Variants in SYT1 observed in about 807,000 individuals in gnomAD.
SYT1 encodes the protein synaptotagmin 1.
SYT1 carries 8 observed loss-of-function variants against 44.8 expected under a neutral mutation model. The observed-to-expected ratio is 0.18, with a 90% CI of 0.10 to 0.32. The LOEUF is 0.32. Among genes scored for constraint, SYT1 ranks in the 10% least tolerant of loss-of-function variants. The pLI is 1.00. For missense variants in SYT1, 286 were observed against 509.3 expected, an observed-to-expected ratio of 0.56 and a Z score of 4.22; for synonymous variants, 154 against 188.8, an observed-to-expected ratio of 0.82 and a Z score of 1.51.
chr12:79,228,035 A>AT (rs34646036), intron 4 of SYT1, among the ~76,000 whole-genome samples: 93,989 of 140,418 alleles, frequency 0.67, 31,410 homozygotes, highest in African/African-American at 0.75. Flanking sequence ...CCTCTCCTCC[A>AT]TTTTTTTTTT....
At chr12:79,007,471 T>A (rs569698991) in intron 2 of SYT1, among the ~76,000 whole-genome samples, 1 of 152,262 alleles carries the variant, frequency 6.6e-6, no homozygotes, top group South Asian at 2.1e-4. Context: ...ATTAGGAGAT[T>A]ATTGCCTGGA....
At chr12:79,273,620 C>T (rs981528204) in intron 4 of SYT1, among the ~76,000 whole-genome samples, 10 of 152,156 alleles carry the variant, frequency 6.6e-5, no homozygotes, top group African/African-American at 2.4e-4. Context: ...CTACCCAGCA[C>T]TGAAGCTGAT....
At chr12:79,389,648 A>G (rs1422310024) in intron 9 of SYT1, among the ~76,000 whole-genome samples, 39 of 152,182 alleles carry the variant, frequency 2.6e-4, no homozygotes, top group Admixed American at 2.0e-3. Context: ...TTTTTATACC[A>G]CCACCTACCA....
chr12:79,270,922 T>C lies in SYT1; in HGVS notation c.167-14865T>C, dbSNP rs75222277. Among the ~76,000 whole-genome samples, 1,220 of 152,334 alleles carry C rather than the reference T, an allele frequency of 8.0e-3. 12 individuals are homozygous for C. The highest frequency in any genetic ancestry group is 0.026 in the African/African-American group (1,092 of 41,574). ...TTTTAGGGACTGCAAAAAAGATCCA[T>C]TGGGAAATAAATGCGTAGAACCGCA... On this transcript the variant is annotated intron_variant, in intron 4 of 10. Coordinates refer to ENST00000261205, the MANE Select transcript of SYT1 (RefSeq NM_005639.3).
At chr12:79,041,426 G>T (rs1409984500) in intron 2 of SYT1, among the ~76,000 whole-genome samples, 1 of 151,402 alleles carries the variant, frequency 6.6e-6, no homozygotes, top group Admixed American at 6.6e-5. Context: ...CTCTCTGTTT[G>T]TCTGTTGTTG....
At chr12:79,431,882 T>G (rs1869812475) in intron 9 of SYT1, among the ~76,000 whole-genome samples, 1 of 152,130 alleles carries the variant, frequency 6.6e-6, no homozygotes. Flanking sequence ...TATTTTTATT[T>G]TCTCCTTCTA....
chr12:79,264,706 T>C (rs1351127221), intron 4 of SYT1, among the ~76,000 whole-genome samples: 1 of 152,220 alleles, frequency 6.6e-6, no homozygotes, highest in Non-Finnish European at 1.5e-5. Context: ...TTATTGAAAA[T>C]ACAAAGTACT....
intron 2 of SYT1, among the ~76,000 whole-genome samples, chr12:79,022,318 C>G (rs571127398): frequency 2.4e-4 from 36 of 151,894 alleles, no homozygotes; most frequent in Middle Eastern, 3.4e-3. Flanking sequence ...TATTGTTACT[C>G]CAAAACAACT....
intron 2 of SYT1, chr12:79,045,780 C>T (rs1874003044): frequency 6.6e-6 from 1 of 152,254 alleles, no homozygotes; most frequent in African/African-American, 2.4e-5. Flanking sequence ...AAGTCAAAAA[C>T]ACTGTTTAAT....
chr12:78,865,750 A>C (rs1873505909), intron 1 of SYT1, among the ~76,000 whole-genome samples: 1 of 152,148 alleles, frequency 6.6e-6, no homozygotes, highest in Admixed American at 6.5e-5. Flanking sequence ...ATTCGTTCAA[A>C]TGGAACAAAA....
At chr12:79,320,838 G>T (rs1286687235) in intron 8 of SYT1, among the ~76,000 whole-genome samples, 3 of 151,704 alleles carry the variant, frequency 2.0e-5, no homozygotes, top group Non-Finnish European at 4.4e-5. Context: ...GGCCAGGATG[G>T]TCTCTATCTC....
At chr12:78,900,202 A>G (rs1424486737) in intron 1 of SYT1, among the ~76,000 whole-genome samples, 1 of 152,046 alleles carries the variant, frequency 6.6e-6, no homozygotes, top group Non-Finnish European at 1.5e-5. Context: ...GGTGATGTTT[A>G]TTTACTTATT....
At chr12:79,264,947 C>T (rs1377309115) in intron 4 of SYT1, among the ~76,000 whole-genome samples, 2 of 152,122 alleles carry the variant, frequency 1.3e-5, no homozygotes, top group Non-Finnish European at 2.9e-5. Flanking sequence ...TTACTCTCAC[C>T]TTCTGATATA....
intron 3 of SYT1, among the ~76,000 whole-genome samples, chr12:79,115,592 A>T (rs1879234380): frequency 6.6e-6 from 1 of 152,352 alleles, no homozygotes; most frequent in East Asian, 1.9e-4. Context: ...TATCAAAAAT[A>T]GTGTTTTAAG....
rs371546290 is a variant in SYT1 at position 79,331,535 on chromosome 12, TTTGAG to T, written c.811-21964_811-21960del. 6.4e-4 allele frequency among the ~76,000 whole-genome samples: 98 copies of T among 152,278 alleles called. 1 individual carries two copies. The highest frequency in any genetic ancestry group is 2.3e-3 in the African/African-American group (95 of 41,572). On this transcript the variant is annotated intron_variant, in intron 8 of 10. Transcript: ENST00000261205. ...TGTGTGAATTTTTAAATTTATGTCT[TTTGAG>T]TTATTTTCTTCTTTTATTTTGCCAA...
chr12:79,337,089 A>C (rs200438744), intron 8 of SYT1, among the ~76,000 whole-genome samples: 8,452 of 151,940 alleles, frequency 0.056, 508 homozygotes, highest in African/African-American at 0.15. Flanking sequence ...CAGTGTTGGG[A>C]CCCCTTGGCT....
intron 3 of SYT1, among the ~76,000 whole-genome samples, chr12:79,187,383 G>A (rs909070142): frequency 2.0e-5 from 3 of 152,012 alleles, no homozygotes; most frequent in South Asian, 2.1e-4. Flanking sequence ...AGAAAGCAAC[G>A]CTCCTAGCAC....
At chr12:79,106,773 ACT>A (rs1028476957) in intron 3 of SYT1, among the ~76,000 whole-genome samples, 6 of 151,888 alleles carry the variant, frequency 4.0e-5, no homozygotes, top group African/African-American at 1.4e-4. Flanking sequence ...TCTTTAAATG[ACT>A]CTAGTCTTAT....
At chr12:79,179,314 A>AGATATC (rs1872247725) in intron 3 of SYT1, among the ~76,000 whole-genome samples, 1 of 58,320 alleles carries the variant, frequency 1.7e-5, no homozygotes, top group African/African-American at 9.3e-5. Flanking sequence ...ATATCTATAT[A>AGATATC]GATATAGATA....
Sources: allele counts gnomAD v4.1 joint callset (sites outside exome capture counted in the v4.1 genomes callset), GRCh38; gene constraint gnomAD v4.1.1; transcripts MANE v1.5; gene names NCBI Gene and HGNC (gene_info 2026-07-23, HGNC 2026-07-21).